TASP1: variants seen among roughly 807,000 people sequenced by gnomAD.
The protein encoded by TASP1 is threonine aspartase 1.
In TASP1, 16 loss-of-function variants were observed where a neutral mutation model predicts 56.6. That is an observed-to-expected ratio of 0.28 (90% confidence interval 0.19 to 0.43). TASP1 has a LOEUF of 0.43. Among genes scored for constraint, TASP1 ranks in the 20% least tolerant of loss-of-function variants. The pLI is 1.00. For missense variants in TASP1, 393 were observed against 511.6 expected, an observed-to-expected ratio of 0.77 and a Z score of 2.24; for synonymous variants, 179 against 184.2, an observed-to-expected ratio of 0.97 and a Z score of 0.23.
chr20:13,488,431 A>C (rs1193909823), intron 10 of TASP1, among the ~76,000 whole-genome samples: 6 of 152,160 alleles, frequency 3.9e-5, no homozygotes, highest in African/African-American at 1.4e-4. Context: ...CAAAAAAAAC[A>C]AGCAAACAGA....
At chr20:13,289,165 T>C in the TASP1 span, among the ~76,000 whole-genome samples, 3 of 152,196 alleles carry the variant, frequency 2.0e-5, no homozygotes, top group East Asian at 3.9e-4. Context: ...TTATGCACAA[T>C]TGCAGTGGCC....
the TASP1 span, among the ~76,000 whole-genome samples, chr20:13,341,902 TCTC>T: frequency 1.3e-5 from 2 of 152,136 alleles, no homozygotes; most frequent in East Asian, 1.9e-4. Context: ...TAGCAGGTGT[TCTC>T]CTCCTCCCGC....
the TASP1 span, among the ~76,000 whole-genome samples, chr20:13,350,832 T>C: frequency 6.6e-6 from 1 of 152,062 alleles, no homozygotes; most frequent in African/African-American, 2.4e-5. Flanking sequence ...GCTGAGACTA[T>C]AGGACTACAG....
chr20:13,427,512 C>T (rs1435709952), intron 12 of TASP1, among the ~76,000 whole-genome samples: 1 of 151,960 alleles, frequency 6.6e-6, no homozygotes, highest in African/African-American at 2.4e-5. Context: ...AAATCATATA[C>T]CATTTATATA....
intron 8 of TASP1, 132 bp from the exon 9 acceptor site, chr20:13,534,273 T>A: frequency 9.1e-7 from 1 of 1,097,986 alleles, no homozygotes; most frequent in East Asian, 2.8e-5. Context: ...CATTGAGCAA[T>A]CTCCTAAAAT....
At chr20:13,578,978 G>A (rs541796110) in intron 6 of TASP1, among the ~76,000 whole-genome samples, 7 of 152,280 alleles carry the variant, frequency 4.6e-5, no homozygotes, top group East Asian at 1.9e-4. Flanking sequence ...ATGCCATGAG[G>A]AGTGGGGTCA....
the TASP1 span, among the ~76,000 whole-genome samples, chr20:13,256,264 C>T: frequency 1.3e-5 from 2 of 151,874 alleles, no homozygotes; most frequent in Non-Finnish European, 2.9e-5. Flanking sequence ...GGCGTGGTGG[C>T]GGGTGCCTGT....
intron 10 of TASP1, among the ~76,000 whole-genome samples, chr20:13,506,109 C>A (rs1299191231): frequency 6.6e-6 from 1 of 152,052 alleles, no homozygotes; most frequent in Non-Finnish European, 1.5e-5. Context: ...CAAGACACTA[C>A]CATGAACAAT....
intron 11 of TASP1, among the ~76,000 whole-genome samples, chr20:13,482,548 T>A (rs1045809351): frequency 1.3e-5 from 2 of 152,188 alleles, no homozygotes; most frequent in Non-Finnish European, 2.9e-5. Context: ...CATGAAGTAT[T>A]TTTCCATTTT....
the TASP1 span, among the ~76,000 whole-genome samples, chr20:13,140,065 A>G: frequency 6.6e-6 from 1 of 152,198 alleles, no homozygotes; most frequent in African/African-American, 2.4e-5. Flanking sequence ...TAGACCCTGA[A>G]GATAATAATT....
At chr20:13,214,562 CAGAGAG>C in the TASP1 span, among the ~76,000 whole-genome samples, 149 of 111,378 alleles carry the variant, frequency 1.3e-3, no homozygotes, top group South Asian at 0.012. Flanking sequence ...CACACACACA[CAGAGAG>C]AGAGAGAGAG....
At chr20:13,381,862 G>A in the TASP1 span, among the ~76,000 whole-genome samples, 6 of 152,178 alleles carry the variant, frequency 3.9e-5, no homozygotes. Flanking sequence ...ATGATTTGCG[G>A]GGCAAGGGTG....
the TASP1 span, among the ~76,000 whole-genome samples, chr20:13,310,499 T>C: frequency 2.0e-5 from 3 of 152,130 alleles, no homozygotes; most frequent in African/African-American, 7.2e-5. Flanking sequence ...AAAAAATGTA[T>C]TGACATTGGT....
chr20:13,581,352 A>G (rs2047119264), intron 5 of TASP1, among the ~76,000 whole-genome samples: 1 of 152,238 alleles, frequency 6.6e-6, no homozygotes. Flanking sequence ...AACTATATAC[A>G]TGCTCCAGGC....
intron 10 of TASP1, among the ~76,000 whole-genome samples, chr20:13,506,423 A>G (rs1451552532): frequency 6.6e-6 from 1 of 152,196 alleles, no homozygotes; most frequent in Non-Finnish European, 1.5e-5. Flanking sequence ...TACCAAAGCT[A>G]AGCAAAGGCA....
chr20:13,393,673 A>T, intron 13 of TASP1: 1 of 1,295,126 alleles, frequency 7.7e-7, no homozygotes, highest in Non-Finnish European at 1.1e-6. Flanking sequence ...TCCAAGGAAT[A>T]AGACCCCTGG....
chr20:13,246,248 G>C, the TASP1 span, among the ~76,000 whole-genome samples: 1 of 150,332 alleles, frequency 6.7e-6, no homozygotes, highest in South Asian at 2.1e-4. Flanking sequence ...ACTTTAGCCT[G>C]GGCAACACAG....
At chr20:13,589,057 GTTT>G (rs1222198899) in intron 4 of TASP1, among the ~76,000 whole-genome samples, 4 of 133,760 alleles carry the variant, frequency 3.0e-5, no homozygotes, top group African/African-American at 2.7e-5. Flanking sequence ...TCTTTCGTGG[GTTT>G]TTTTTTTTTT....
intron 5 of TASP1, among the ~76,000 whole-genome samples, chr20:13,581,969 G>A (rs372582144): frequency 5.9e-5 from 9 of 152,018 alleles, no homozygotes; most frequent in African/African-American, 1.9e-4. Context: ...ACTAATATAC[G>A]CCTGCCTTTC....
Sources: allele counts gnomAD v4.1 joint callset (sites outside exome capture counted in the v4.1 genomes callset), GRCh38; gene constraint gnomAD v4.1.1; transcripts MANE v1.5; gene names NCBI Gene and HGNC (gene_info 2026-07-23, HGNC 2026-07-21).